Variants in PCDHGA1 observed in about 807,000 individuals in gnomAD.
PCDHGA1 encodes protocadherin gamma subfamily A, 1, also known as protocadherin gamma-A1.
A neutral mutation model predicts 58.0 loss-of-function variants in PCDHGA1; 32 were observed. The ratio of observed to expected loss-of-function variants is 0.55; its 90% CI spans 0.42 to 0.74. PCDHGA1 has a LOEUF of 0.74. PCDHGA1 is among the 30% of genes least tolerant of loss of function. The pLI is 0.00. For missense variants in PCDHGA1, 1,205 were observed against 1,182.3 expected, an observed-to-expected ratio of 1.02 and a Z score of -0.28; for synonymous variants, 498 against 501.1, an observed-to-expected ratio of 0.99 and a Z score of 0.08.
At position 141,486,135 on chromosome 5, in the gene PCDHGA1, G is replaced by A. The variant is rs145871538; in HGVS notation, c.2422-8672G>A. ...GAGAATTACTATGAATTTGATGTGC[G>A]GGCTCGCGATGGGGGTTCTCCAGCC... On this transcript the variant is annotated intron_variant, in intron 1 of 3. Transcript: ENST00000517417. This position sits in a 1 kb window ranked among gnomAD's most constrained non-coding sequence, Gnocchi z 5.0. The A allele has an allele frequency of 1.9e-6, 3 of 1,614,168 alleles. No homozygotes were observed. Among genetic ancestry groups the A allele is most frequent in the Non-Finnish European group, 2.5e-6 (3 of 1,180,022 alleles).
intron 1 of PCDHGA1, chr5:141,375,374 C>T: frequency 2.5e-6 from 4 of 1,613,952 alleles, no homozygotes; most frequent in Non-Finnish European, 3.4e-6. Flanking sequence ...AGGAACACCA[C>T]CTCTGTCTAC....
intron 1 of PCDHGA1, among the ~76,000 whole-genome samples, chr5:141,460,365 A>G (rs887924740): frequency 6.6e-6 from 1 of 152,180 alleles, no homozygotes; most frequent in African/African-American, 2.4e-5. Context: ...TAGAAGTTTT[A>G]TAGTTTTACC....
chr5:141,365,668 T>C, intron 1 of PCDHGA1: 1 of 1,613,456 alleles, frequency 6.2e-7, no homozygotes, highest in Non-Finnish European at 8.5e-7. Flanking sequence ...CAGACGTTAA[T>C]GACAACCCAC....
chr5:141,492,720 A>G (rs1161942205), intron 1 of PCDHGA1, among the ~76,000 whole-genome samples: 1 of 152,256 alleles, frequency 6.6e-6, no homozygotes, highest in East Asian at 1.9e-4. Context: ...GCAGGCGGAC[A>G]GGCAGAGCTG....
Position 141,331,982 on chromosome 5 carries a change from C to T in PCDHGA1, c.1298C>T (p.Ser433Phe). 6.2e-7 allele frequency: 1 copy of T among 1,614,144 alleles called. No individual in the cohort carries two copies. The highest frequency in any genetic ancestry group is 8.5e-7 in the Non-Finnish European group (1 of 1,179,994). Residue 433 changes from serine to phenylalanine, a missense_variant, in exon 1 of 4, where the codon TCT becomes TTT. Coordinates refer to ENST00000517417, the MANE Select transcript of PCDHGA1 (RefSeq NM_018912.3). ...ATAGACCAAGGAACTCCAGCTCTATCTACTGAAACTCACATTTCACTACTA... is the reference window on the plus strand; with the variant it reads ...ATAGACCAAGGAACTCCAGCTCTATTTACTGAAACTCACATTTCACTACTA... ...TAIDQGTPALSTETHISLLVT... is the reference protein window; with the variant it reads ...TAIDQGTPALFTETHISLLVT...
intron 1 of PCDHGA1, among the ~76,000 whole-genome samples, chr5:141,438,596 A>G (rs1303292978): frequency 2.8e-5 from 1 of 35,176 alleles, no homozygotes; most frequent in Non-Finnish European, 6.2e-5. Context: ...ACATACATAT[A>G]TATATATATA....
intron 1 of PCDHGA1, among the ~76,000 whole-genome samples, chr5:141,467,296 A>T (rs1032802325): frequency 1.3e-5 from 2 of 151,740 alleles, no homozygotes; most frequent in South Asian, 4.2e-4. Flanking sequence ...CAAGTGATCC[A>T]CTCACCTCGG....
chr5:141,346,334 C>A, intron 1 of PCDHGA1: 1 of 1,614,224 alleles, frequency 6.2e-7, no homozygotes, highest in Non-Finnish European at 8.5e-7. Flanking sequence ...GGAAGAGCCA[C>A]CTGATTTTCC....
intron 1 of PCDHGA1, chr5:141,423,426 G>A: frequency 6.2e-7 from 1 of 1,614,028 alleles, no homozygotes; most frequent in Non-Finnish European, 8.5e-7. Context: ...AAGGCGGGTT[G>A]GCAGGTATGC....
At chr5:141,340,418 G>C (rs1289323808) in intron 1 of PCDHGA1, 2 of 1,614,042 alleles carry the variant, frequency 1.2e-6, no homozygotes, top group African/African-American at 2.7e-5. Context: ...CGACAGCAAC[G>C]ACAATGCTCA....
At chr5:141,350,030 C>T (rs916605863) in intron 1 of PCDHGA1, 2 of 377,360 alleles carry the variant, frequency 5.3e-6, no homozygotes, top group Non-Finnish European at 9.4e-6. Context: ...TCCAAGACAA[C>T]CTCTGGGCGC....
In PCDHGA1 at chr5:141,480,033, C is replaced by G. The variant is rs370321166; in HGVS notation, c.2422-14774C>G. On this transcript the variant is annotated intron_variant, in intron 1 of 3. Coordinates refer to ENST00000517417, the MANE Select transcript of PCDHGA1 (RefSeq NM_018912.3). ...CTCAATCTCCTTTCTAAGCCTCTTC[C>G]TCATATGCAAAAAGGGAATAATAAG... is the stretch of plus-strand genomic sequence containing the variant. Among the ~76,000 whole-genome samples, 3 of 152,224 alleles carry G rather than the reference C, an allele frequency of 2.0e-5. No individual in the cohort carries two copies. The East Asian group carries it at 5.8e-4, about 29-fold the overall frequency.
At chr5:141,501,334 C>CA (rs2099808390) in intron 2 of PCDHGA1, among the ~76,000 whole-genome samples, 1 of 145,376 alleles carries the variant, frequency 6.9e-6, no homozygotes, top group Non-Finnish European at 1.5e-5. Flanking sequence ...CACACACACA[C>CA]CCCAAACTCA....
intron 1 of PCDHGA1, chr5:141,340,814 G>A: frequency 6.2e-7 from 1 of 1,613,914 alleles, no homozygotes; most frequent in East Asian, 2.2e-5. Flanking sequence ...CAGCGAGCCG[G>A]GACTCTTCTC....
intron 1 of PCDHGA1, chr5:141,371,115 G>C (rs757942462): frequency 1.3e-5 from 21 of 1,613,902 alleles, no homozygotes; most frequent in Non-Finnish European, 1.8e-5. Flanking sequence ...TAACCCCCCA[G>C]TATTTACTCA....
At position 141,408,734 on chromosome 5, in the gene PCDHGA1, T is replaced by C. The variant is rs376769558; in HGVS notation, c.2421+75629T>C. 1.5e-4 allele frequency: 244 copies of C among 1,610,058 alleles called. No homozygotes were observed. The highest frequency in any genetic ancestry group is 1.9e-4 in the Non-Finnish European group (226 of 1,177,812). On this transcript the variant is annotated intron_variant, in intron 1 of 3. Transcript: ENST00000517417. ...TTATAAGATAAACTCTAATCCTTAT[T>C]TTTCATTAATGGTTAGAGTTAATTC...
chr5:141,417,525 C>G (rs1435259680), intron 1 of PCDHGA1: 1 of 272,692 alleles, frequency 3.7e-6, no homozygotes, highest in African/African-American at 2.2e-5. Flanking sequence ...GCTGTCAACT[C>G]GTAGTTTAAA....
rs755136339 is a variant in PCDHGA1 at position 141,331,767 on chromosome 5, T to C, written c.1083T>C (p.Pro361=). 3 of 1,614,188 alleles carry C rather than the reference T, an allele frequency of 1.9e-6. No individual in the cohort carries two copies. The highest frequency in any genetic ancestry group is 2.2e-5 in the East Asian group (1 of 44,886). ...SVTTAVPENF[P]PGTIIALISV... is the part of the protein sequence containing the mutation. ...CCACTGCAGTTCCAGAAAACTTTCC[T>C]CCTGGGACCATAATTGCTCTTATCA... Residue 361 remains proline, a synonymous_variant, in exon 1 of 4, where the codon CCT becomes CCC. Transcript: ENST00000517417.
intron 1 of PCDHGA1, chr5:141,356,501 C>T: frequency 6.2e-7 from 1 of 1,614,014 alleles, no homozygotes; most frequent in Non-Finnish European, 8.5e-7. Context: ...CCACTGTCTA[C>T]AGAAACTCAT....
Sources: allele counts gnomAD v4.1 joint callset (sites outside exome capture counted in the v4.1 genomes callset), GRCh38; gene constraint gnomAD v4.1.1; non-coding constraint Gnocchi (gnomAD v3.1); transcripts MANE v1.5; gene names NCBI Gene and HGNC (gene_info 2026-07-23, HGNC 2026-07-21).